SORT1: variants seen among roughly 807,000 people sequenced by gnomAD.
SORT1 encodes the protein sortilin 1, also known as sortilin.
In SORT1, 39 loss-of-function variants were observed where a neutral mutation model predicts 101.7. The ratio of observed to expected loss-of-function variants is 0.38; its 90% CI spans 0.30 to 0.50. The LOEUF is 0.50. SORT1 is among the 20% of genes least tolerant of loss of function. SORT1 has a pLI of 0.90. For synonymous variants in SORT1, 396 were observed against 393.7 expected (o/e 1.01, Z -0.07); for missense variants, 878 against 1,040.4 (o/e 0.84, Z 2.15).
chr1:109,381,777 CTGTT>C (rs1652250886), intron 1 of SORT1, among the ~76,000 whole-genome samples: 1 of 152,010 alleles, frequency 6.6e-6, no homozygotes, highest in Non-Finnish European at 1.5e-5. Context: ...CCCAGATACA[CTGTT>C]TGAGCCCAGG....
At chr1:109,326,485 A>G (rs890649216) in intron 13 of SORT1, among the ~76,000 whole-genome samples, 1 of 94,384 alleles carries the variant, frequency 1.1e-5, no homozygotes, top group Non-Finnish European at 2.2e-5. Flanking sequence ...ACACACACAC[A>G]TATATATACA....
In SORT1 at chr1:109,309,804, G is replaced by A. The variant is rs949145789; in HGVS notation, c.*4239C>T. 1 of 152,276 alleles carries A rather than the reference G, an allele frequency of 6.6e-6. No homozygotes were observed. Among genetic ancestry groups the A allele is most frequent in the African/African-American group, 2.4e-5 (1 of 41,406 alleles). 9.4% of individuals were successfully genotyped at this position (152,276 alleles called of 1,614,324 possible). A position where few individuals can be genotyped will look rare whatever the true frequency, so the allele number is the denominator to read the frequency against. ...CTCACATGCAATTTTCTGTCCTAAG[G>A]GAATAGAAAACTTGGGTTTTTAGGG... On this transcript the variant is annotated 3_prime_UTR_variant, in exon 20 of 20. Transcript: ENST00000256637.
intron 1 of SORT1, among the ~76,000 whole-genome samples, chr1:109,377,724 A>G (rs1308100087): frequency 6.6e-6 from 1 of 152,236 alleles, no homozygotes; most frequent in Non-Finnish European, 1.5e-5. Context: ...AGGTCTGACT[A>G]CTGAGATTTA....
intron 6 of SORT1, among the ~76,000 whole-genome samples, chr1:109,349,216 ATG>A (rs1649809602): frequency 6.6e-6 from 1 of 151,920 alleles, no homozygotes; most frequent in Non-Finnish European, 1.5e-5. Flanking sequence ...GTGGTGGCAC[ATG>A]CCTGTAATCC....
intron 1 of SORT1, among the ~76,000 whole-genome samples, chr1:109,380,028 C>A (rs1652116954): frequency 1.3e-5 from 2 of 152,114 alleles, no homozygotes; most frequent in Admixed American, 1.3e-4. Flanking sequence ...GTAATCCTAG[C>A]ATTTTGGGAG....
In SORT1 at chr1:109,327,508, T is replaced by C. The variant is rs1306310429; in HGVS notation, c.1465A>G (p.Ile489Val). The C allele has an allele frequency of 1.2e-6, 2 of 1,601,744 alleles. No homozygotes were observed. Residue 489 changes from isoleucine (I) to valine (V), a missense_variant, in exon 12 of 20, where the codon ATT becomes GTT. By Grantham distance (29) the Ile-to-Val change is conservative. Transcript: ENST00000256637. ...LSEPNAVGIV[I>V]AHGSVGDAIS... ...GTGGGAGGTTCCTTACCATGAGCAA[T>C]GACAATGCCTACGGCATTCGGCTCT...
Position 109,327,108 on chromosome 1 carries a change from A to G in SORT1, c.1527T>C (p.Asp509=), listed in dbSNP as rs748119399. 3.3e-5 allele frequency: 54 copies of G among 1,613,448 alleles called. 1 individual carries two copies. In the South Asian group the frequency reaches 5.9e-4, roughly 18 times the overall value. The change falls in exon 13 of 20, where the codon GAT becomes GAC. Residue 509 remains aspartate (D), a synonymous_variant. Transcript: ENST00000256637. ...SVMVPDVYIS[D]DGGYSWTKML... ...TCTTTGTCCAGGAGTAACCCCCATC[A>G]TCTGAGATGTACACATCTGGAACCA...
chr1:109,376,288 G>A (rs1472061682), intron 1 of SORT1, among the ~76,000 whole-genome samples: 4 of 143,248 alleles, frequency 2.8e-5, no homozygotes, highest in African/African-American at 7.9e-5. Flanking sequence ...CCGTGATCGC[G>A]CCACCGCATT....
At chr1:109,372,453 C>G (rs10858086) in intron 1 of SORT1, among the ~76,000 whole-genome samples, 60 of 151,976 alleles carry the variant, frequency 3.9e-4, no homozygotes, top group African/African-American at 1.3e-3. Context: ...AGATGACGCC[C>G]AAGTAAAAGG....
At chr1:109,346,990 T>C (rs746641503) in intron 7 of SORT1, among the ~76,000 whole-genome samples, 61 of 152,228 alleles carry the variant, frequency 4.0e-4, no homozygotes, top group Non-Finnish European at 7.3e-4. Flanking sequence ...GTTTTGGTTT[T>C]CCTGAATTTA....
chr1:109,391,368 A>G (rs1228333766), intron 1 of SORT1, among the ~76,000 whole-genome samples: 1 of 152,228 alleles, frequency 6.6e-6, no homozygotes, highest in Non-Finnish European at 1.5e-5. Flanking sequence ...GGAATCAGCC[A>G]GGAAAACATT....
At chr1:109,336,415 T>C (rs1038519223) in intron 10 of SORT1, 69 bp from the exon 11 acceptor site, 2 of 975,776 alleles carry the variant, frequency 2.0e-6, no homozygotes, top group African/African-American at 3.2e-5. Context: ...ACTTTATCAC[T>C]GCATGACTCT....
chr1:109,361,909 T>C (rs1570952367), intron 3 of SORT1, among the ~76,000 whole-genome samples: 1 of 152,248 alleles, frequency 6.6e-6, no homozygotes, highest in Admixed American at 6.5e-5. Flanking sequence ...GTTCTAATAC[T>C]ATAAATAAGT....
At chr1:109,355,658 C>T (rs1270628814) in intron 3 of SORT1, among the ~76,000 whole-genome samples, 189 bp from the exon 4 acceptor site, 2 of 111,628 alleles carry the variant, frequency 1.8e-5, no homozygotes, top group Admixed American at 1.6e-4. Flanking sequence ...CCCCCCCCCA[C>T]AAACCCACTC....
intron 16 of SORT1, 108 bp from the exon 17 acceptor site, chr1:109,317,066 T>C (rs1187254612): frequency 4.1e-6 from 3 of 724,890 alleles, no homozygotes; most frequent in Admixed American, 2.5e-5. Context: ...TTCCCATCCT[T>C]ACGTCATGTT....
intron 1 of SORT1, among the ~76,000 whole-genome samples, chr1:109,379,215 A>G (rs1173416701): frequency 6.6e-6 from 1 of 152,038 alleles, no homozygotes; most frequent in African/African-American, 2.4e-5. Context: ...GGGGTGTCCA[A>G]TCTTTTGGCT....
intron 5 of SORT1, among the ~76,000 whole-genome samples, chr1:109,352,814 C>G (rs1225596504): frequency 6.6e-6 from 1 of 152,188 alleles, no homozygotes; most frequent in African/African-American, 2.4e-5. Flanking sequence ...CAGACTGTAT[C>G]TGTCTCTTCC....
chr1:109,343,957 G>A (rs1649410588), intron 8 of SORT1, among the ~76,000 whole-genome samples: 1 of 152,090 alleles, frequency 6.6e-6, no homozygotes, highest in South Asian at 2.1e-4. Context: ...GCCCAAAACA[G>A]AATTCTTGAT....
chr1:109,386,424 AGG>A (rs1354648257), intron 1 of SORT1, among the ~76,000 whole-genome samples: 4 of 152,374 alleles, frequency 2.6e-5, no homozygotes, highest in African/African-American at 9.6e-5. Flanking sequence ...GCATTCAGAC[AGG>A]AAGAAACCCA....
Sources: gnomAD v4.1 joint callset for allele counts (sites outside exome capture counted in the v4.1 genomes callset) on GRCh38, gnomAD v4.1.1 for gene constraint, MANE v1.5 for transcripts, NCBI Gene and HGNC (gene_info 2026-07-23, HGNC 2026-07-21) for gene names.